Variants in RFX3 observed in about 807,000 individuals in gnomAD.
RFX3 encodes the protein transcription factor RFX3.
Under a neutral mutation model 98.6 loss-of-function variants are expected in RFX3, and 14 were observed. That is an observed-to-expected ratio of 0.14 (90% CI 0.09 to 0.22). The LOEUF (loss-of-function observed/expected upper bound fraction) is 0.22, where lower values mean the gene tolerates loss of function less well. Among genes scored for constraint, RFX3 ranks in the 10% least tolerant of loss-of-function variants. The pLI, the probability that RFX3 is intolerant of heterozygous loss-of-function variation, is 1.00. For synonymous variants in RFX3, 383 were observed against 328.4 expected, an observed-to-expected ratio of 1.17 and a Z score of -1.80; for missense variants, 639 against 926.9, an observed-to-expected ratio of 0.69 and a Z score of 4.03.
At chr9:3,498,770 A>C (rs1005033142) in intron 1 of RFX3, among the ~76,000 whole-genome samples, 2 of 152,134 alleles carry the variant, frequency 1.3e-5, no homozygotes, top group African/African-American at 4.8e-5. Context: ...AAAGAAAACC[A>C]TGACAACTGT....
chr9:3,498,510 T>G (rs1027802702), intron 1 of RFX3, among the ~76,000 whole-genome samples: 1 of 152,084 alleles, frequency 6.6e-6, no homozygotes, highest in Non-Finnish European at 1.5e-5. Context: ...AAGCATTATT[T>G]TGCTACAGTA....
At chr9:3,499,535 T>C (rs919383367) in intron 1 of RFX3, among the ~76,000 whole-genome samples, 2 of 152,068 alleles carry the variant, frequency 1.3e-5, no homozygotes, top group Non-Finnish European at 2.9e-5. Context: ...TTAGATAGCA[T>C]TATTTGAATG....
At chr9:3,363,536 G>A (rs1158030008) in intron 2 of RFX3, among the ~76,000 whole-genome samples, 4 of 152,172 alleles carry the variant, frequency 2.6e-5, no homozygotes, top group Non-Finnish European at 5.9e-5. Flanking sequence ...AAGCACTATA[G>A]TCTAAATAGC....
intron 2 of RFX3, among the ~76,000 whole-genome samples, chr9:3,368,566 G>T (rs891905811): frequency 6.6e-6 from 1 of 152,186 alleles, no homozygotes; most frequent in Non-Finnish European, 1.5e-5. Flanking sequence ...CAATAAGATA[G>T]ACAGGGATAT....
rs566805700 is a variant in RFX3 at position 3,293,344 on chromosome 9, A to C, written c.550-86T>G. The C allele has an allele frequency of 5.6e-4, 530 of 948,514 alleles. 2 individuals carry two copies. Among genetic ancestry groups the C allele is most frequent in the Middle Eastern group, 2.9e-3 (13 of 4,508 alleles). 58.8% of individuals were successfully genotyped at this position (948,514 alleles called of 1,614,324 possible). A position where few individuals can be genotyped will look rare whatever the true frequency, so the allele number is the denominator to read the frequency against. On this transcript the variant is annotated intron_variant, in intron 5 of 16. Transcript: ENST00000617270. The stretch of plus-strand genomic sequence containing the variant: ...GACACTGCAAATGCAACATACAGAA[A>C]TACTTAGAAGTTCTTCATCAAGTCT...
At chr9:3,259,217 T>G (rs1417622892) in intron 13 of RFX3, among the ~76,000 whole-genome samples, 1 of 152,008 alleles carries the variant, frequency 6.6e-6, no homozygotes, top group Admixed American at 6.6e-5. Flanking sequence ...CTAGTATCCA[T>G]GAAGGAATTT....
chr9:3,307,216 T>C (rs932225887), intron 4 of RFX3, among the ~76,000 whole-genome samples: 1 of 152,124 alleles, frequency 6.6e-6, no homozygotes, highest in Non-Finnish European at 1.5e-5. Context: ...CTCGTGTATG[T>C]CTTTTTCAGC....
At chr9:3,244,221 G>A (rs893959355) in intron 15 of RFX3, among the ~76,000 whole-genome samples, 5 of 151,994 alleles carry the variant, frequency 3.3e-5, no homozygotes, top group Non-Finnish European at 7.4e-5. Context: ...GGTTAGGCTG[G>A]TCTCAAACTC....
At chr9:3,420,038 A>G (rs1389796295) in intron 1 of RFX3, among the ~76,000 whole-genome samples, 1 of 152,194 alleles carries the variant, frequency 6.6e-6, no homozygotes, top group African/African-American at 2.4e-5. Flanking sequence ...AAGGCACAGG[A>G]GGGAGACTAG....
chr9:3,304,787 T>C (rs953552402), intron 4 of RFX3, among the ~76,000 whole-genome samples: 22 of 152,040 alleles, frequency 1.4e-4, no homozygotes, highest in Non-Finnish European at 2.9e-5. Context: ...TCTTTTTCTT[T>C]ATAAATTACC....
intron 1 of RFX3, among the ~76,000 whole-genome samples, chr9:3,498,517 A>G (rs565543628): frequency 1.9e-4 from 29 of 152,202 alleles, no homozygotes; most frequent in African/African-American, 6.7e-4. Context: ...ATTTTGCTAC[A>G]GTACACTTTT....
chr9:3,381,730 A>G (rs1433301070), intron 2 of RFX3, among the ~76,000 whole-genome samples: 3 of 152,080 alleles, frequency 2.0e-5, no homozygotes, highest in African/African-American at 7.2e-5. Context: ...AAAAGCACAG[A>G]TCTAACAGGA....
intron 1 of RFX3, among the ~76,000 whole-genome samples, chr9:3,418,627 G>A (rs1282909453): frequency 6.6e-6 from 1 of 152,130 alleles, no homozygotes; most frequent in African/African-American, 2.4e-5. Flanking sequence ...CGATCCGTCT[G>A]CCTTGGCCTC....
intron 3 of RFX3, among the ~76,000 whole-genome samples, chr9:3,342,118 G>C (rs1587186238): frequency 6.6e-6 from 1 of 152,074 alleles, no homozygotes; most frequent in South Asian, 2.1e-4. Context: ...ATGACTATAG[G>C]TATAGTACTT....
intron 1 of RFX3, among the ~76,000 whole-genome samples, chr9:3,415,104 AAG>A (rs1842865809): frequency 1.1e-5 from 1 of 94,454 alleles, no homozygotes; most frequent in African/African-American, 7.2e-5. Context: ...ACTCATATAT[AAG>A]TATATATATA....
chr9:3,290,535 T>C (rs945521339), intron 6 of RFX3, among the ~76,000 whole-genome samples: 1 of 152,086 alleles, frequency 6.6e-6, no homozygotes, highest in Non-Finnish European at 1.5e-5. Flanking sequence ...AGCGAGGAGA[T>C]AGTAGGTTAG....
chr9:3,444,592 A>G (rs1284082983), intron 1 of RFX3, among the ~76,000 whole-genome samples: 1 of 152,218 alleles, frequency 6.6e-6, no homozygotes, highest in East Asian at 1.9e-4. Flanking sequence ...CAAATATACC[A>G]CAACAAAGCT....
chr9:3,474,525 CATA>C (rs1310601991), intron 1 of RFX3, among the ~76,000 whole-genome samples: 1 of 152,124 alleles, frequency 6.6e-6, no homozygotes, highest in South Asian at 2.1e-4. Context: ...CATAGAAGCT[CATA>C]ATATCAATGA....
chr9:3,286,484 C>G (rs912433445), intron 7 of RFX3, among the ~76,000 whole-genome samples: 2 of 151,738 alleles, frequency 1.3e-5, no homozygotes, highest in African/African-American at 4.8e-5. Flanking sequence ...CAACCTTGAA[C>G]TGAGTCTTCA....
Sources: allele counts gnomAD v4.1 joint callset (sites outside exome capture counted in the v4.1 genomes callset), GRCh38; gene constraint gnomAD v4.1.1; transcripts MANE v1.5; gene names NCBI Gene and HGNC (gene_info 2026-07-23, HGNC 2026-07-21).